The following SNTG1 variants were observed in gnomAD, a reference collection of about 807,000 sequenced individuals.
SNTG1 encodes the protein gamma-1-syntrophin.
In SNTG1, 39 loss-of-function variants were observed where a neutral mutation model predicts 74.7. The observed-to-expected ratio is 0.52, with a 90% CI of 0.40 to 0.68. The LOEUF is 0.68. Among genes scored for constraint, SNTG1 ranks in the 30% least tolerant of loss-of-function variants. SNTG1 has a pLI of 0.00. For missense variants in SNTG1, 685 were observed against 609.5 expected, an observed-to-expected ratio of 1.12 and a Z score of -1.30; for synonymous variants, 254 against 217.1, an observed-to-expected ratio of 1.17 and a Z score of -1.49.
intron 2 of SNTG1, among the ~76,000 whole-genome samples, chr8:50,201,436 T>C (rs1031139822): frequency 6.6e-6 from 1 of 152,198 alleles, no homozygotes; most frequent in Non-Finnish European, 1.5e-5. Flanking sequence ...CTACTAGTAC[T>C]GGGTATTTGT....
intron 13 of SNTG1, among the ~76,000 whole-genome samples, chr8:50,623,771 G>A (rs1369036846): frequency 1.3e-5 from 2 of 151,748 alleles, no homozygotes; most frequent in African/African-American, 4.8e-5. Context: ...TAAAGTGTTG[G>A]TCTCATAATA....
At chr8:50,657,418 T>A (rs1299552101) in intron 14 of SNTG1, among the ~76,000 whole-genome samples, 1 of 152,158 alleles carries the variant, frequency 6.6e-6, no homozygotes, top group African/African-American at 2.4e-5. Flanking sequence ...ATAAACTGTT[T>A]TAGGGCTATA....
chr8:50,051,626 C>G (rs1303047016), intron 1 of SNTG1, among the ~76,000 whole-genome samples: 2 of 152,048 alleles, frequency 1.3e-5, no homozygotes, highest in Admixed American at 6.6e-5. Context: ...TTACCTCTTC[C>G]TAGCTGTCAG....
intron 1 of SNTG1, among the ~76,000 whole-genome samples, chr8:49,958,933 A>G (rs550949561): frequency 6.6e-6 from 1 of 152,360 alleles, no homozygotes; most frequent in East Asian, 1.9e-4. Flanking sequence ...ACAAAGCCTA[A>G]AGTATCTTGT....
At chr8:49,927,195 C>A (rs1807107618) in intron 1 of SNTG1, among the ~76,000 whole-genome samples, 1 of 152,060 alleles carries the variant, frequency 6.6e-6, no homozygotes, top group South Asian at 2.1e-4. Flanking sequence ...CAGTTGGGGA[C>A]TTTTTTACAA....
chr8:50,433,397 G>T (rs749037163), intron 4 of SNTG1, among the ~76,000 whole-genome samples: 15 of 151,590 alleles, frequency 9.9e-5, no homozygotes, highest in South Asian at 4.2e-4. Flanking sequence ...GGTGAACAGG[G>T]ATATCCTGGC....
chr8:50,552,534 A>G (rs1397436079), intron 11 of SNTG1, among the ~76,000 whole-genome samples: 2 of 152,190 alleles, frequency 1.3e-5, no homozygotes, highest in African/African-American at 4.8e-5. Context: ...CTTTGGGAAG[A>G]TGAACAGACT....
At chr8:50,760,021 G>A (rs188078650) in intron 18 of SNTG1, among the ~76,000 whole-genome samples, 136 of 152,040 alleles carry the variant, frequency 8.9e-4, no homozygotes, top group Middle Eastern at 6.8e-3. Context: ...TTATTCCCTC[G>A]AGCAGTGGTT....
rs142775606 is a variant in SNTG1, at chr8:50,711,372, G to T, written c.1284+2394G>T. ...TTAGCTGAACATGCTTTGTCCTTCT[G>T]CACTTCATCTTGATCAAGTCCTCCA... On this transcript the variant is annotated intron_variant, in intron 17 of 18. Transcript: ENST00000642720. Among the ~76,000 whole-genome samples the T allele has an allele frequency of 7.3e-4, 111 of 152,186 alleles. No homozygotes were observed. In the East Asian group the frequency reaches 0.017, roughly 24 times the overall value.
intron 2 of SNTG1, among the ~76,000 whole-genome samples, chr8:50,302,314 A>C (rs1240006613): frequency 6.6e-6 from 1 of 152,142 alleles, no homozygotes; most frequent in African/African-American, 2.4e-5. Context: ...ACTTCCAGAC[A>C]ACCAACAGCG....
chr8:50,424,692 C>T (rs2131482434), intron 4 of SNTG1, among the ~76,000 whole-genome samples: 1 of 152,240 alleles, frequency 6.6e-6, no homozygotes, highest in East Asian at 1.9e-4. Flanking sequence ...TTAAAAATCA[C>T]ACTATCTTAT....
At chr8:50,559,632 T>A (rs1219958308) in intron 12 of SNTG1, among the ~76,000 whole-genome samples, 1 of 152,110 alleles carries the variant, frequency 6.6e-6, no homozygotes, top group Non-Finnish European at 1.5e-5. Flanking sequence ...TTGGAAAGGA[T>A]TCCCTATTTA....
chr8:50,730,587 C>T (rs2095510608), intron 17 of SNTG1, among the ~76,000 whole-genome samples: 1 of 152,100 alleles, frequency 6.6e-6, no homozygotes, highest in Non-Finnish European at 1.5e-5. Context: ...AACTAGCAGT[C>T]AGCATATGTA....
intron 13 of SNTG1, among the ~76,000 whole-genome samples, chr8:50,656,395 T>C (rs1443199823): frequency 6.6e-6 from 1 of 152,090 alleles, no homozygotes; most frequent in Non-Finnish European, 1.5e-5. Flanking sequence ...CTAAGATCAA[T>C]GATTAAAAGG....
chr8:50,682,496 A>T (rs1157920948), intron 15 of SNTG1, among the ~76,000 whole-genome samples: 2 of 152,178 alleles, frequency 1.3e-5, no homozygotes, highest in African/African-American at 4.8e-5. Context: ...CAAGGGGTCA[A>T]AGAGGACAAG....
At chr8:50,378,365 A>T (rs2092424957) in intron 2 of SNTG1, among the ~76,000 whole-genome samples, 1 of 152,084 alleles carries the variant, frequency 6.6e-6, no homozygotes, top group African/African-American at 2.4e-5. Context: ...GAGTTCACAG[A>T]TCTGGGAATA....
At chr8:50,616,565 G>A (rs2094886591) in intron 13 of SNTG1, among the ~76,000 whole-genome samples, 1 of 152,186 alleles carries the variant, frequency 6.6e-6, no homozygotes, top group Non-Finnish European at 1.5e-5. Flanking sequence ...GGAAGCCACA[G>A]GCAGGCAATA....
At chr8:50,710,484 T>C (rs2095458557) in intron 17 of SNTG1, among the ~76,000 whole-genome samples, 1 of 152,110 alleles carries the variant, frequency 6.6e-6, no homozygotes, top group African/African-American at 2.4e-5. Flanking sequence ...ACTAGAAAAG[T>C]CAAAGTCTGA....
At chr8:50,073,772 A>C (rs1160843173) in intron 1 of SNTG1, among the ~76,000 whole-genome samples, 1 of 151,988 alleles carries the variant, frequency 6.6e-6, no homozygotes, top group Non-Finnish European at 1.5e-5. Context: ...ATTCACGTGC[A>C]TTATCAATAG....
Sources: gnomAD v4.1 joint callset for allele counts (sites outside exome capture counted in the v4.1 genomes callset) on GRCh38, gnomAD v4.1.1 for gene constraint, MANE v1.5 for transcripts, NCBI Gene and HGNC (gene_info 2026-07-23, HGNC 2026-07-21) for gene names.